PCDHGA1: variants seen among roughly 807,000 people sequenced by gnomAD.
PCDHGA1 encodes protocadherin gamma-A1.
PCDHGA1 carries 32 observed loss-of-function variants against 58.0 expected under a neutral mutation model. The ratio of observed to expected loss-of-function variants is 0.55; its 90% CI spans 0.42 to 0.74. The LOEUF (loss-of-function observed/expected upper bound fraction) is 0.74, where lower values mean the gene tolerates loss of function less well. PCDHGA1 is among the 30% of genes least tolerant of loss of function. The pLI is 0.00. For synonymous variants in PCDHGA1, 498 were observed against 501.1 expected (o/e 0.99, Z 0.08); for missense variants, 1,205 against 1,182.3 (o/e 1.02, Z -0.28).
At chr5:141,505,361 A>G (rs2099845711) in intron 2 of PCDHGA1, 32 bp from the exon 3 acceptor site, 1 of 1,613,910 alleles carries the variant, frequency 6.2e-7, no homozygotes, top group South Asian at 1.1e-5. Context: ...CCGGCCTGGG[A>G]GTCTGTGCTC....
intron 1 of PCDHGA1, chr5:141,383,852 A>G (rs1162643765): frequency 1.9e-6 from 3 of 1,613,966 alleles, no homozygotes; most frequent in East Asian, 4.5e-5. Context: ...TATGAAATGG[A>G]GGTTCAGGCT....
At chr5:141,385,003 T>C (rs1480894446) in intron 1 of PCDHGA1, 1 of 1,614,148 alleles carries the variant, frequency 6.2e-7, no homozygotes, top group South Asian at 1.1e-5. Context: ...CACAGTCTCC[T>C]GCGTCTTCCT....
chr5:141,347,903 G>A (rs1758036898), intron 1 of PCDHGA1, among the ~76,000 whole-genome samples: 1 of 152,162 alleles, frequency 6.6e-6, no homozygotes, highest in Non-Finnish European at 1.5e-5. Flanking sequence ...TTGCCTGAGG[G>A]TGGAAAGCTC....
intron 1 of PCDHGA1, chr5:141,422,116 T>A (rs753281558): frequency 2.5e-6 from 4 of 1,604,730 alleles, no homozygotes; most frequent in Non-Finnish European, 3.4e-6. Context: ...CCAATTGGAT[T>A]CACAAACTGG....
At chr5:141,356,246 T>A (rs1421799660) in intron 1 of PCDHGA1, 2 of 1,579,642 alleles carry the variant, frequency 1.3e-6, no homozygotes, top group African/African-American at 1.3e-5. Context: ...GAAGTCACAG[T>A]TACATCTCTC....
intron 1 of PCDHGA1, chr5:141,427,617 G>C (rs1295636754): frequency 1.4e-6 from 1 of 694,694 alleles, no homozygotes. Context: ...TGAAGTCAAC[G>C]ACAATGCTCC....
intron 1 of PCDHGA1, chr5:141,395,547 TGTGTG>T (rs2093267739): frequency 0.011 from 1,902 of 174,314 alleles, 94 homozygotes; most frequent in African/African-American, 0.026. Flanking sequence ...ATTGTTTGTG[TGTGTG>T]TGTGTGTGTG....
chr5:141,408,338 G>C, intron 1 of PCDHGA1: 1 of 1,613,958 alleles, frequency 6.2e-7, no homozygotes, highest in Non-Finnish European at 8.5e-7. Context: ...CAAGGGCTCG[G>C]TGGTGGGGAA....
In PCDHGA1 at chr5:141,486,866, G is replaced by A; in HGVS notation, c.2422-7941G>A. Reference sequence around the variant, plus strand: ...GGACCTCAATGACAATGCTCCAGCTGTGCTCCGTCCTCGGGCCCGGCCTGG... The same window carrying A: ...GGACCTCAATGACAATGCTCCAGCTATGCTCCGTCCTCGGGCCCGGCCTGG... On this transcript the variant is annotated intron_variant, in intron 1 of 3. Transcript: ENST00000517417. The surrounding 1 kb of genome is among the most constrained non-coding windows in gnomAD (Gnocchi z 5.0). 6.2e-7 allele frequency: 1 copy of A among 1,614,202 alleles called. No homozygotes were observed. The highest frequency in any genetic ancestry group is 8.5e-7 in the Non-Finnish European group (1 of 1,180,038).
At chr5:141,349,241 T>C (rs576818086) in intron 1 of PCDHGA1, among the ~76,000 whole-genome samples, 2 of 98,110 alleles carry the variant, frequency 2.0e-5, no homozygotes, top group Non-Finnish European at 3.7e-5. Flanking sequence ...GGATAATTTT[T>C]ATTTTTTTTA....
intron 1 of PCDHGA1, among the ~76,000 whole-genome samples, chr5:141,368,592 A>G (rs1277512291): frequency 6.6e-6 from 1 of 152,198 alleles, no homozygotes; most frequent in Non-Finnish European, 1.5e-5. Context: ...TGTTTGGGAA[A>G]AAAGTAAAGG....
chr5:141,415,419 C>T (rs2095868053), intron 1 of PCDHGA1: 1 of 1,614,196 alleles, frequency 6.2e-7, no homozygotes, highest in Non-Finnish European at 8.5e-7. Context: ...TGGGCGTGGA[C>T]GGGGTTCGGG....
intron 1 of PCDHGA1, chr5:141,389,039 AG>A: frequency 6.2e-7 from 1 of 1,613,988 alleles, no homozygotes; most frequent in Non-Finnish European, 8.5e-7. Context: ...GTAAATTGGA[AG>A]GTGATGTTCC....
chr5:141,430,915 G>T, intron 1 of PCDHGA1: 1 of 1,607,738 alleles, frequency 6.2e-7, no homozygotes, highest in East Asian at 2.2e-5. Flanking sequence ...CCAGGGACCT[G>T]GGGCTGGAGC....
At chr5:141,401,098 C>T (rs1589430206) in intron 1 of PCDHGA1, among the ~76,000 whole-genome samples, 1 of 152,110 alleles carries the variant, frequency 6.6e-6, no homozygotes, top group East Asian at 1.9e-4. Context: ...AATCCCAGCA[C>T]TTTGGGAGGC....
intron 1 of PCDHGA1, among the ~76,000 whole-genome samples, chr5:141,469,187 G>T (rs147209381): frequency 5.9e-5 from 9 of 151,588 alleles, no homozygotes; most frequent in African/African-American, 1.9e-4. Context: ...GAGGCAAGAG[G>T]ATTGCTTGAG....
chr5:141,431,265 G>A lies in PCDHGA1; in HGVS notation c.2422-63542G>A. 2 of 1,614,168 alleles carry A rather than the reference G, an allele frequency of 1.2e-6. No homozygotes were observed. On this transcript the variant is annotated intron_variant, in intron 1 of 3. Transcript: ENST00000517417. This position sits in a 1 kb window ranked among gnomAD's most constrained non-coding sequence, Gnocchi z 4.8. ...GATATCGGGAAGAACTCTCTGCAGA[G>A]CTACGAGCTCAGCCCGAACACTCAC...
At chr5:141,391,248 A>G (rs1561633877) in intron 1 of PCDHGA1, 1 of 152,120 alleles carries the variant, frequency 6.6e-6, no homozygotes, top group Non-Finnish European at 1.5e-5. Context: ...TATCTAAGCA[A>G]CTGCTTCAGT....
At chr5:141,466,027 CAGG>C (rs1174989171) in intron 1 of PCDHGA1, among the ~76,000 whole-genome samples, 1 of 151,890 alleles carries the variant, frequency 6.6e-6, no homozygotes, top group African/African-American at 2.4e-5. Context: ...GAGGGTGAGG[CAGG>C]AGAACGGCAT....
Sources: gnomAD v4.1 joint callset for allele counts (sites outside exome capture counted in the v4.1 genomes callset) on GRCh38, gnomAD v4.1.1 for gene constraint, Gnocchi (gnomAD v3.1) non-coding constraint, MANE v1.5 for transcripts, NCBI Gene and HGNC (gene_info 2026-07-23, HGNC 2026-07-21) for gene names.